WWOX: variants seen among roughly 807,000 people sequenced by gnomAD.
The protein encoded by WWOX is WW domain-containing oxidoreductase.
WWOX carries 69 observed loss-of-function variants against 46.2 expected under a neutral mutation model. That is an observed-to-expected ratio of 1.49 (90% CI 1.23 to 1.82). The LOEUF is 1.82. Among genes scored for constraint, WWOX ranks in the 40% most tolerant of loss-of-function variants. The pLI is 0.00. For missense variants in WWOX, 919 were observed against 542.6 expected, an observed-to-expected ratio of 1.69 and a Z score of -6.89; for synonymous variants, 359 against 202.6, an observed-to-expected ratio of 1.77 and a Z score of -6.56.
At chr16:78,976,668 A>AAT (rs796927226) in intron 8 of WWOX, among the ~76,000 whole-genome samples, 14 of 152,308 alleles carry the variant, frequency 9.2e-5, no homozygotes, top group African/African-American at 3.4e-4. Flanking sequence ...GTGACGCTGA[A>AAT]ATAAAATAAT....
chr16:78,332,491 A>AC (rs1423732490), intron 5 of WWOX, among the ~76,000 whole-genome samples: 2 of 152,216 alleles, frequency 1.3e-5, no homozygotes, highest in African/African-American at 4.8e-5. Flanking sequence ...GTTAAAGAAA[A>AC]CCCGAGATCT....
chr16:79,090,527 C>T (rs1159252910), intron 8 of WWOX, among the ~76,000 whole-genome samples: 2 of 152,104 alleles, frequency 1.3e-5, no homozygotes, highest in Non-Finnish European at 2.9e-5. Flanking sequence ...TCAAGACATG[C>T]AAGCAAGGAT....
chr16:78,926,696 GT>G (rs1410295379), intron 8 of WWOX, among the ~76,000 whole-genome samples: 1 of 152,198 alleles, frequency 6.6e-6, no homozygotes, highest in Non-Finnish European at 1.5e-5. Context: ...TGTGGAGAAA[GT>G]TGTTTGCTTT....
intron 8 of WWOX, among the ~76,000 whole-genome samples, chr16:78,593,835 C>A (rs368144156): frequency 6.6e-6 from 1 of 151,938 alleles, no homozygotes; most frequent in Non-Finnish European, 1.5e-5. Flanking sequence ...TGAGGACATA[C>A]GAGGAGTCCC....
intron 8 of WWOX, among the ~76,000 whole-genome samples, chr16:78,458,894 A>AG (rs1271613854): frequency 2.0e-5 from 3 of 152,040 alleles, no homozygotes; most frequent in African/African-American, 7.2e-5. Flanking sequence ...TTGGCCTGGG[A>AG]GGGAAAAAAA....
intron 6 of WWOX, among the ~76,000 whole-genome samples, chr16:78,412,233 G>T (rs1004506193): frequency 3.3e-5 from 5 of 152,134 alleles, no homozygotes; most frequent in African/African-American, 1.2e-4. Flanking sequence ...TTGTAATCAG[G>T]TGACTGGTTT....
intron 8 of WWOX, among the ~76,000 whole-genome samples, chr16:78,830,834 C>A (rs532661935): frequency 1.3e-5 from 2 of 151,966 alleles, no homozygotes; most frequent in African/African-American, 4.8e-5. Context: ...CTATTTCTGT[C>A]GTTTGCAGAG....
At chr16:78,968,548 G>A (rs887230748) in intron 8 of WWOX, among the ~76,000 whole-genome samples, 1 of 152,162 alleles carries the variant, frequency 6.6e-6, no homozygotes, top group Non-Finnish European at 1.5e-5. Context: ...ACTGTTATAA[G>A]TTGGTTTCAC....
At chr16:78,577,024 A>C (rs1433443851) in intron 8 of WWOX, among the ~76,000 whole-genome samples, 1 of 152,208 alleles carries the variant, frequency 6.6e-6, no homozygotes, top group East Asian at 1.9e-4. Context: ...TTCAGTGATT[A>C]GTTTATAGGT....
At chr16:78,381,018 T>C (rs922517988) in intron 5 of WWOX, among the ~76,000 whole-genome samples, 1 of 152,160 alleles carries the variant, frequency 6.6e-6, no homozygotes, top group Non-Finnish European at 1.5e-5. Flanking sequence ...ATTAAGGCAA[T>C]TGAAGCCCAG....
intron 8 of WWOX, among the ~76,000 whole-genome samples, chr16:78,627,920 G>C (rs932009513): frequency 6.6e-6 from 1 of 152,224 alleles, no homozygotes; most frequent in Admixed American, 6.5e-5. Flanking sequence ...AACTTGTCTG[G>C]AATCTTGTTT....
At chr16:78,324,555 A>G (rs576231298) in intron 5 of WWOX, among the ~76,000 whole-genome samples, 6 of 152,176 alleles carry the variant, frequency 3.9e-5, no homozygotes, top group Admixed American at 1.3e-4. Flanking sequence ...GGACAAATGG[A>G]TAAATATGTT....
chr16:78,629,722 T>A (rs1413201997), intron 8 of WWOX, among the ~76,000 whole-genome samples: 4 of 152,188 alleles, frequency 2.6e-5, no homozygotes, highest in Admixed American at 1.3e-4. Context: ...ATCAACTCTT[T>A]CTCATCATTT....
chr16:78,474,893 C>T (rs1019590074), intron 8 of WWOX, among the ~76,000 whole-genome samples: 1 of 152,160 alleles, frequency 6.6e-6, no homozygotes, highest in African/African-American at 2.4e-5. Flanking sequence ...AGATACTGCA[C>T]CTAATTTTTC....
chr16:78,494,049 T>C (rs1299228073), intron 8 of WWOX, among the ~76,000 whole-genome samples: 2 of 152,160 alleles, frequency 1.3e-5, no homozygotes, highest in Non-Finnish European at 2.9e-5. Context: ...CTGTATAGGC[T>C]TCTGCCTCTC....
chr16:78,633,457 A>G (rs2151663048), intron 8 of WWOX, among the ~76,000 whole-genome samples: 1 of 152,220 alleles, frequency 6.6e-6, no homozygotes, highest in Admixed American at 6.5e-5. Flanking sequence ...TTTGTACCGT[A>G]TGACTTTAAA....
At chr16:78,429,623 C>T (rs530903574) in intron 7 of WWOX, among the ~76,000 whole-genome samples, 19 of 152,072 alleles carry the variant, frequency 1.2e-4, no homozygotes, top group African/African-American at 4.6e-4. Context: ...TTGTCTATGC[C>T]ATGTAGGTAG....
chr16:79,192,533 C>T (rs1377223148), intron 8 of WWOX, among the ~76,000 whole-genome samples: 1 of 152,120 alleles, frequency 6.6e-6, no homozygotes, highest in Non-Finnish European at 1.5e-5. Flanking sequence ...TGAGGTTGTA[C>T]CTGGTAAGGT....
chr16:79,062,026 A>G (rs1473638055), intron 8 of WWOX, among the ~76,000 whole-genome samples: 1 of 152,016 alleles, frequency 6.6e-6, no homozygotes, highest in Non-Finnish European at 1.5e-5. Context: ...TTCAAGGGAG[A>G]GTATGGTTTG....
Sources: gnomAD v4.1 joint callset for allele counts (sites outside exome capture counted in the v4.1 genomes callset) on GRCh38, gnomAD v4.1.1 for gene constraint, MANE v1.5 for transcripts, NCBI Gene and HGNC (gene_info 2026-07-23, HGNC 2026-07-21) for gene names.